The following TRIM41 variants were observed in gnomAD, a reference collection of about 807,000 sequenced individuals.
TRIM41 encodes tripartite motif containing 41, also known as E3 ubiquitin-protein ligase TRIM41.
TRIM41 carries 21 observed loss-of-function variants against 60.6 expected under a neutral mutation model. That is an observed-to-expected ratio of 0.35 (90% CI 0.25 to 0.50). The LOEUF (loss-of-function observed/expected upper bound fraction) is 0.50. Ranked by LOEUF, TRIM41 falls within the 20% of genes least tolerant of loss-of-function variation. TRIM41 has a pLI of 0.98. For synonymous variants in TRIM41, 407 were observed against 344.9 expected, an observed-to-expected ratio of 1.18 and a Z score of -2.00; for missense variants, 846 against 868.3, an observed-to-expected ratio of 0.97 and a Z score of 0.32.
chr5:181,232,462 G>GT (rs1241521138), intron 2 of TRIM41, 197 bp from the exon 3 acceptor site: 9 of 582,944 alleles, frequency 1.5e-5, no homozygotes, highest in Non-Finnish European at 2.7e-5. Context: ...AGGTTAGTGA[G>GT]TTTGAGACCA....
In TRIM41 at chr5:181,234,030, G is replaced by GGAAC. The variant is rs1758931110; in HGVS notation, c.1292-144_1292-143insGAAC. 1.4e-6 allele frequency: 2 copies of GGAAC among 1,409,296 alleles called. No homozygotes were observed. The highest frequency in any genetic ancestry group is 3.5e-5 in the Admixed American group (2 of 57,100). 87.3% of individuals were successfully genotyped at this position (1,409,296 alleles called of 1,614,324 possible). On this transcript the variant is annotated intron_variant, in intron 5 of 5. Coordinates refer to ENST00000315073, the MANE Select transcript of TRIM41 (RefSeq NM_033549.5). The surrounding 1 kb of genome is among the most constrained non-coding windows in gnomAD (Gnocchi z 5.6). ...TAGGAACAAGAGTGAGGAGCAAGAT[G>GGAAC]AGCCTGCAGGAATCTGAGGCTGGCC... is the stretch of plus-strand genomic sequence containing the variant.
chr5:181,233,319 C>G lies in TRIM41; in HGVS notation c.1141-94C>G. The G allele has an allele frequency of 1.5e-6, 2 of 1,321,706 alleles. No individual in the cohort carries two copies. Among genetic ancestry groups the G allele is most frequent in the South Asian group, 2.4e-5 (2 of 85,042 alleles). 81.9% of individuals were successfully genotyped at this position (1,321,706 alleles called of 1,614,324 possible). ...TTCTCCCTTCCTGCTCAGGTTCAGT[C>G]TCTGACTGGAGATCGGGGAACGCTG... On this transcript the variant is annotated intron_variant, in intron 3 of 5. Coordinates refer to ENST00000315073, the MANE Select transcript of TRIM41 (RefSeq NM_033549.5). This position sits in a 1 kb window ranked among gnomAD's most constrained non-coding sequence, Gnocchi z 4.1.
At position 181,224,162 on chromosome 5, in the gene TRIM41, G is replaced by A. The variant is rs1268044254; in HGVS notation, c.163G>A (p.Asp55Asn). The change falls in exon 1 of 6, where the codon GAC (aspartate) becomes AAC (asparagine). Residue 55 changes from aspartate (D) to asparagine (N), a missense_variant. Physicochemically the swap from Asp to Asn is conservative, Grantham distance 23. Transcript: ENST00000315073. Reference protein sequence around the residue: ...TQLWGGEDEEDRDELDREEEE... With the variant: ...TQLWGGEDEENRDELDREEEE... ...GTTGTGGGGTGGGGAGGATGAGGAG[G>A]ACAGAGATGAGTTAGATCGGGAGGA... 17 of 1,614,128 alleles carry A rather than the reference G, an allele frequency of 1.1e-5. No individual in the cohort carries two copies. The highest frequency in any genetic ancestry group is 1.3e-5 in the African/African-American group (1 of 74,954).
rs769309764 is a variant in TRIM41, at chr5:181,234,365, C to T, written c.1483C>T (p.Arg495Trp). ...CTACTGGGAGGTAGAGGTGGGCGGG[C>T]GGCGGGGCTGGGCGGTGGGTGCTGC... is the stretch of plus-strand genomic sequence containing the variant. ...RHYWEVEVGG[R>W]RGWAVGAARE... The change falls in exon 6 of 6, where the codon CGG becomes TGG. Residue 495 changes from arginine (R) to tryptophan (W), a missense_variant. By Grantham distance (101) the Arg-to-Trp change is moderately radical. Transcript: ENST00000315073. The surrounding 1 kb of genome is among the most constrained non-coding windows in gnomAD (Gnocchi z 5.6). 37 of 1,575,802 alleles carry T rather than the reference C, an allele frequency of 2.3e-5. No homozygotes were observed. Among genetic ancestry groups the T allele is most frequent in the South Asian group, 5.7e-5 (5 of 86,984 alleles).
In TRIM41 at chr5:181,235,481, A is replaced by G; in HGVS notation, c.*706A>G. ...TTATTTCTTCCCCCTTCCCTTTTCC[A>G]GCACTCAACCAAGGAGCAAAGCTCA... is the stretch of plus-strand genomic sequence containing the variant. On this transcript the variant is annotated 3_prime_UTR_variant, in exon 6 of 6. Coordinates refer to ENST00000315073, the MANE Select transcript of TRIM41 (RefSeq NM_033549.5). 1 of 1,551,748 alleles carries G rather than the reference A, an allele frequency of 6.4e-7. No individual in the cohort carries two copies. Among genetic ancestry groups the G allele is most frequent in the Non-Finnish European group, 8.8e-7 (1 of 1,141,134 alleles).
Position 181,232,756 on chromosome 5 carries a change from G to A in TRIM41, c.1007G>A (p.Arg336Lys), listed in dbSNP as rs1408301851. 5 of 1,613,562 alleles carry A rather than the reference G, an allele frequency of 3.1e-6. No homozygotes were observed. Among genetic ancestry groups the A allele is most frequent in the Non-Finnish European group, 4.2e-6 (5 of 1,179,974 alleles). ...CAGGCAGGGCTGGAACGGCGTCTCA[G>A]AGAGATGCATGAAGCCCAGCTGGGG... ...EEQAGLERRL[R>K]EMHEAQLGRA... Residue 336 changes from arginine (R) to lysine (K), a missense_variant, in exon 3 of 6, where the codon AGA (arginine) becomes AAA (lysine). Coordinates refer to ENST00000315073, the MANE Select transcript of TRIM41 (RefSeq NM_033549.5).
Position 181,233,520 on chromosome 5 carries a change from TC to T in TRIM41, c.1163+87del. 1.2e-6 allele frequency: 2 copies of T among 1,612,456 alleles called. No individual in the cohort carries two copies. The highest frequency in any genetic ancestry group is 3.3e-4 in the Middle Eastern group (2 of 6,054). On this transcript the variant is annotated intron_variant, in intron 4 of 5. Transcript: ENST00000315073. This position sits in a 1 kb window ranked among gnomAD's most constrained non-coding sequence, Gnocchi z 4.1. ...CTCTTCGGTATCCCTCTCCTCTCCT[TC>T]CTTCCCCAGGACCTGAGTTTCCATC...
At position 181,223,386 on chromosome 5, in the gene TRIM41, A is replaced by T. The variant is rs543222112; in HGVS notation, c.-614A>T. On this transcript the variant is annotated 5_prime_UTR_variant, in exon 1 of 6. Coordinates refer to ENST00000315073, the MANE Select transcript of TRIM41 (RefSeq NM_033549.5). ...ATAGCACCGAAAGCAGACGGCCGCCAGGCGCTCCCCCTACCCCCCGAAGTT... is the reference window on the plus strand; with the variant it reads ...ATAGCACCGAAAGCAGACGGCCGCCTGGCGCTCCCCCTACCCCCCGAAGTT... 1 of 399,744 alleles carries T rather than the reference A, an allele frequency of 2.5e-6. No homozygotes were observed. Among genetic ancestry groups the T allele is most frequent in the Non-Finnish European group, 4.4e-6 (1 of 226,940 alleles). The allele number at this position is 399,744 out of a possible 1,614,324, so 24.8% of individuals were successfully genotyped here. A position where few individuals can be genotyped will look rare whatever the true frequency, so the allele number is the denominator to read the frequency against.
chr5:181,227,517 T>C (rs1348225953), intron 1 of TRIM41: 1 of 151,864 alleles, frequency 6.6e-6, no homozygotes, highest in Non-Finnish European at 1.5e-5. Flanking sequence ...GCCTGGCTAA[T>C]TTTTTTGTAT....
intron 2 of TRIM41, 101 bp downstream of exon 2, chr5:181,230,940 G>A: frequency 9.8e-7 from 1 of 1,019,358 alleles, no homozygotes; most frequent in Non-Finnish European, 1.5e-6. Flanking sequence ...CCTGAGGAGG[G>A]GACAGCTAAG....
In TRIM41 at chr5:181,232,644, T is replaced by G; in HGVS notation, c.910-15T>G. The G allele has an allele frequency of 6.2e-7, 1 of 1,611,812 alleles. No homozygotes were observed. The highest frequency in any genetic ancestry group is 8.5e-7 in the Non-Finnish European group (1 of 1,179,210). The stretch of plus-strand genomic sequence containing the variant: ...TGTTGAGGTGGTGTCTGCCATCCCC[T>G]TTGCACCATTCCAGAGCCAGATGAA... On this transcript the variant is annotated splice_polypyrimidine_tract_variant and intron_variant, in intron 2 of 5. Transcript: ENST00000315073.
intron 1 of TRIM41, chr5:181,230,495 T>TGAAAAAA (rs1333861587): frequency 1.0e-5 from 1 of 98,896 alleles, no homozygotes; most frequent in African/African-American, 2.1e-4. Context: ...AGACTCTGTC[T>TGAAAAAA]CAAAAAAAAA....
rs1052139723 is a variant in TRIM41 at position 181,234,616 on chromosome 5, C to A, written c.1734C>A (p.Arg578=). 6.2e-7 allele frequency: 1 copy of A among 1,614,124 alleles called. No individual in the cohort carries two copies. Among genetic ancestry groups the A allele is most frequent in the Non-Finnish European group, 8.5e-7 (1 of 1,180,048 alleles). The change falls in exon 6 of 6, where the codon CGC becomes CGA. Residue 578 remains arginine (R), a synonymous_variant. Coordinates refer to ENST00000315073, the MANE Select transcript of TRIM41 (RefSeq NM_033549.5). This position sits in a 1 kb window ranked among gnomAD's most constrained non-coding sequence, Gnocchi z 5.6. ...TGAGCCCCAGTGAGAAACCAAGGCG[C>A]TTTGGTGTGTACCTGGACTATGAAG... ...TLLSPSEKPR[R]FGVYLDYEAG...
chr5:181,235,505 C>G lies in TRIM41; in HGVS notation c.*730C>G. On this transcript the variant is annotated 3_prime_UTR_variant, in exon 6 of 6. Coordinates refer to ENST00000315073, the MANE Select transcript of TRIM41 (RefSeq NM_033549.5). Reference sequence around the variant, plus strand: ...CAGCACTCAACCAAGGAGCAAAGCTCATCCCACCCCACACCCCTCCCAGGT... The same window carrying G: ...CAGCACTCAACCAAGGAGCAAAGCTGATCCCACCCCACACCCCTCCCAGGT... 7.0e-7 allele frequency: 1 copy of G among 1,420,086 alleles called. No individual in the cohort carries two copies. Among genetic ancestry groups the G allele is most frequent in the Non-Finnish European group, 9.7e-7 (1 of 1,035,068 alleles). 88.0% of individuals were successfully genotyped at this position (1,420,086 alleles called of 1,614,324 possible). A position where few individuals can be genotyped will look rare whatever the true frequency, so the allele number is the denominator to read the frequency against.
rs1758436100 is a variant in TRIM41 at position 181,224,287 on chromosome 5, G to A, written c.288G>A (p.Glu96=). The part of the protein sequence containing the change: ...MRDEDYEGDM[E]EEVEEEEEGV... ...ATGAAGACTACGAGGGTGACATGGA[G>A]GAGGAGGTCGAGGAGGAAGAAGAGG... Residue 96 remains glutamate (E), a synonymous_variant, in exon 1 of 6, where the codon GAG becomes GAA. Coordinates refer to ENST00000315073, the MANE Select transcript of TRIM41 (RefSeq NM_033549.5). 1.2e-6 allele frequency: 2 copies of A among 1,614,180 alleles called. No homozygotes were observed. The highest frequency in any genetic ancestry group is 1.1e-5 in the South Asian group (1 of 91,076).
chr5:181,223,544 G>T lies in TRIM41; in HGVS notation c.-456G>T, dbSNP rs1679847181. ...CCTGTTCTCTAGTGCGGACTAGAGCGTCTCCTCGCCATTTCCTGTCGCCCT... is the reference window on the plus strand; with the variant it reads ...CCTGTTCTCTAGTGCGGACTAGAGCTTCTCCTCGCCATTTCCTGTCGCCCT... On this transcript the variant is annotated 5_prime_UTR_variant, in exon 1 of 6. Coordinates refer to ENST00000315073, the MANE Select transcript of TRIM41 (RefSeq NM_033549.5). The T allele has an allele frequency of 2.3e-6, 1 of 444,212 alleles. No individual in the cohort carries two copies. Among genetic ancestry groups the T allele is most frequent in the Non-Finnish European group, 4.0e-6 (1 of 251,744 alleles). 27.5% of individuals were successfully genotyped at this position (444,212 alleles called of 1,614,324 possible).
In TRIM41 at chr5:181,224,418, TGGA is replaced by T. The variant is rs761351100; in HGVS notation, c.429_431del (p.Glu143del). 4 of 1,607,860 alleles carry T rather than the reference TGGA, an allele frequency of 2.5e-6. No homozygotes were observed. Among genetic ancestry groups the T allele is most frequent in the Non-Finnish European group, 3.4e-6 (4 of 1,177,798 alleles). On this transcript the variant is annotated inframe_deletion, in exon 1 of 6. Transcript: ENST00000315073. ...GACCTGGACTACTACTTGGGGGACA[TGGA>T]GGAGGAGGACCTGAGGGGGGAGGAT... is the stretch of plus-strand genomic sequence containing the variant.
intron 3 of TRIM41, 30 bp downstream of exon 3, chr5:181,232,919 G>A (rs1384360082): frequency 6.5e-7 from 1 of 1,533,024 alleles, no homozygotes; most frequent in Non-Finnish European, 8.7e-7. Context: ...TGTTCCCCCA[G>A]CATTCTGTGT....
chr5:181,234,839 CG>C lies in TRIM41; in HGVS notation c.*65del, dbSNP rs951032575. 1.2e-6 allele frequency: 2 copies of C among 1,606,940 alleles called. No individual in the cohort carries two copies. The highest frequency in any genetic ancestry group is 2.7e-5 in the African/African-American group (2 of 74,790). ...GGGGGGTGGGTGGTGGAGGGTGGCC[CG>C]TAAGTTTGAGGGCTCAAAGGCTCTT... On this transcript the variant is annotated 3_prime_UTR_variant, in exon 6 of 6. Coordinates refer to ENST00000315073, the MANE Select transcript of TRIM41 (RefSeq NM_033549.5). This position sits in a 1 kb window ranked among gnomAD's most constrained non-coding sequence, Gnocchi z 5.6.
Sources: gnomAD v4.1 joint callset for allele counts on GRCh38, gnomAD v4.1.1 for gene constraint, Gnocchi (gnomAD v3.1) non-coding constraint, MANE v1.5 for transcripts, NCBI Gene and HGNC (gene_info 2026-07-23, HGNC 2026-07-21) for gene names.